Variants in HAS2 observed in about 807,000 individuals in gnomAD.
HAS2 encodes hyaluronan synthase 2.
HAS2 carries 16 observed loss-of-function variants against 51.6 expected under a neutral mutation model. That is an observed-to-expected ratio of 0.31 (90% CI 0.21 to 0.47). The LOEUF is 0.47. Among genes scored for constraint, HAS2 ranks in the 20% least tolerant of loss-of-function variants. The pLI is 1.00. For synonymous variants in HAS2, 228 were observed against 235.5 expected, an observed-to-expected ratio of 0.97 and a Z score of 0.29; for missense variants, 361 against 662.6, an observed-to-expected ratio of 0.54 and a Z score of 5.00.
chr8:121,637,542 C>G (rs1329811080), intron 1 of HAS2, among the ~76,000 whole-genome samples: 3 of 151,980 alleles, frequency 2.0e-5, no homozygotes, highest in African/African-American at 7.3e-5. Context: ...AGGTGGCCAC[C>G]ACCACACCTG....
At chr8:121,622,860 C>T (rs1405312173) in intron 2 of HAS2, among the ~76,000 whole-genome samples, 1 of 151,692 alleles carries the variant, frequency 6.6e-6, no homozygotes, top group Non-Finnish European at 1.5e-5. Flanking sequence ...AGTTAAGCAG[C>T]CTCAAATTAA....
intron 2 of HAS2, 34 bp downstream of exon 2, chr8:121,628,680 G>C (rs1812886766): frequency 1.9e-6 from 3 of 1,593,270 alleles, no homozygotes; most frequent in Middle Eastern, 3.4e-4. Context: ...TTATTTAAAT[G>C]TATGTTTGCC....
Position 121,614,823 on chromosome 8 carries a change from C to A in HAS2, c.945G>T (p.Arg315Ser). 6.2e-7 allele frequency: 1 copy of A among 1,614,160 alleles called. No individual in the cohort carries two copies. The highest frequency in any genetic ancestry group is 8.5e-7 in the Non-Finnish European group (1 of 1,180,028). ...GGCTCAGCACCCGGTTCGTGAGATG[C>A]CTGTCATCACCAAAGCTACATTGGT... ...MGNQCSFGDD[R>S]HLTNRVLSLG... Residue 315 changes from arginine (R) to serine (S), a missense_variant, in exon 4 of 4, where the codon AGG (arginine) becomes AGT (serine). By Grantham distance (110) the Arg-to-Ser change is moderately radical (BLOSUM62 -1). Transcript: ENST00000303924. This position sits in a 1 kb window ranked among gnomAD's most constrained non-coding sequence, Gnocchi z 7.2.
intron 2 of HAS2, among the ~76,000 whole-genome samples, chr8:121,624,772 A>T (rs562644608): frequency 1.3e-5 from 2 of 152,310 alleles, no homozygotes; most frequent in East Asian, 3.9e-4. Flanking sequence ...ACGCATGTTC[A>T]GTAAGAGACA....
intron 1 of HAS2, among the ~76,000 whole-genome samples, chr8:121,638,429 G>A (rs143876863): frequency 4.9e-4 from 74 of 152,240 alleles, no homozygotes; most frequent in Non-Finnish European, 8.8e-4. Context: ...AAAGGGATTC[G>A]ACTCCGGGTA....
intron 1 of HAS2, among the ~76,000 whole-genome samples, chr8:121,630,116 C>T (rs776552589): frequency 2.4e-4 from 36 of 152,262 alleles, no homozygotes; most frequent in Non-Finnish European, 4.4e-4. Flanking sequence ...AGTCTCTCTC[C>T]TCCATCCGCC....
At chr8:121,634,749 C>CTT (rs77932541) in intron 1 of HAS2, among the ~76,000 whole-genome samples, 1 of 143,140 alleles carries the variant, frequency 7.0e-6, no homozygotes, top group African/African-American at 2.5e-5. Context: ...CTCAAACAGT[C>CTT]TTTTTTTTTT....
At chr8:121,622,608 G>T (rs560047501) in intron 2 of HAS2, among the ~76,000 whole-genome samples, 13 of 151,598 alleles carry the variant, frequency 8.6e-5, no homozygotes, top group Non-Finnish European at 1.9e-4. Context: ...CAAGATTTGG[G>T]GGAAACAAAA....
At chr8:121,624,209 G>C (rs1812812162) in intron 2 of HAS2, among the ~76,000 whole-genome samples, 1 of 152,156 alleles carries the variant, frequency 6.6e-6, no homozygotes, top group South Asian at 2.1e-4. Flanking sequence ...CTTGTGCTTA[G>C]ATAGCATTTC....
At chr8:121,639,246 C>G (rs1813054784) in intron 1 of HAS2, 1 of 152,226 alleles carries the variant, frequency 6.6e-6, no homozygotes, top group Admixed American at 6.5e-5. Context: ...GGTGGCCAAT[C>G]GGGGCTTCCC....
At chr8:121,630,220 A>G (rs2130446850) in intron 1 of HAS2, among the ~76,000 whole-genome samples, 1 of 152,326 alleles carries the variant, frequency 6.6e-6, no homozygotes, top group East Asian at 1.9e-4. Context: ...TGAATACATT[A>G]AAGGACAAAT....
intron 2 of HAS2, among the ~76,000 whole-genome samples, chr8:121,617,463 G>A (rs1307916690): frequency 1.3e-5 from 2 of 152,092 alleles, no homozygotes; most frequent in African/African-American, 4.8e-5. Context: ...ATGACTTGTA[G>A]CGTGATCAAC....
rs1325324480 is a variant in HAS2 at position 121,612,485 on chromosome 8, T to A, written c.*1624A>T. On this transcript the variant is annotated 3_prime_UTR_variant, in exon 4 of 4. Coordinates refer to ENST00000303924, the MANE Select transcript of HAS2 (RefSeq NM_005328.3). ...AAGAGGCAGAAAGGCAGGAAGCCCATTTTTTTTTTAACACTTCTCCATGTG... is the reference window on the plus strand; with the variant it reads ...AAGAGGCAGAAAGGCAGGAAGCCCAATTTTTTTTTAACACTTCTCCATGTG... 2 of 143,664 alleles carry A rather than the reference T, an allele frequency of 1.4e-5. No individual in the cohort carries two copies. The allele number at this position is 143,664 out of a possible 1,614,324, so 8.9% of individuals were successfully genotyped here. A position where few individuals can be genotyped will look rare whatever the true frequency, so the allele number is the denominator to read the frequency against.
In HAS2 at chr8:121,629,392, G is replaced by A. The variant is rs768266854; in HGVS notation, c.1-52C>T. ...GGTTAACCATGATTGTCCCACACTT[G>A]TTATATACCTAGTATCATGGGGAGA... On this transcript the variant is annotated intron_variant, in intron 1 of 3. Transcript: ENST00000303924. 4.4e-6 allele frequency: 6 copies of A among 1,377,558 alleles called. No homozygotes were observed. The Admixed American group carries it at 7.4e-5, about 17-fold the overall frequency. The allele number at this position is 1,377,558 out of a possible 1,614,324, so 85.3% of individuals were successfully genotyped here.
chr8:121,629,303 A>G lies in HAS2; in HGVS notation c.38T>C (p.Ile13Thr), dbSNP rs926388723. 6 of 1,611,540 alleles carry G rather than the reference A, an allele frequency of 3.7e-6. No homozygotes were observed. In the East Asian group the frequency reaches 6.7e-5, roughly 18 times the overall value. Reference protein sequence around the residue: ...CERFLCILRIIGTTLFGVSLL... With the variant: ...CERFLCILRITGTTLFGVSLL... ...AGAGACTCCAAAGAGTGTGGTTCCA[A>G]TTATTCTCAGGATACATAGAAACCT... is the stretch of plus-strand genomic sequence containing the variant. Residue 13 changes from isoleucine (I) to threonine (T), a missense_variant, in exon 2 of 4, where the codon ATT (isoleucine) becomes ACT (threonine). Ile to Thr is a moderately conservative substitution (Grantham distance 89). Transcript: ENST00000303924.
chr8:121,613,771 T>G lies in HAS2; in HGVS notation c.*338A>C, dbSNP rs1399441454. ...TAGGTTGAAAGAACTTTTCCTTGAG[T>G]TTCCAAAATCCTTTTCTTCCATGAT... On this transcript the variant is annotated 3_prime_UTR_variant, in exon 4 of 4. Coordinates refer to ENST00000303924, the MANE Select transcript of HAS2 (RefSeq NM_005328.3). 3.8e-6 allele frequency: 1 copy of G among 263,910 alleles called. No homozygotes were observed. Among genetic ancestry groups the G allele is most frequent in the Non-Finnish European group, 7.4e-6 (1 of 135,944 alleles). 16.3% of individuals were successfully genotyped at this position (263,910 alleles called of 1,614,324 possible).
rs1484522992 is a variant in HAS2, at chr8:121,614,624, T to C, written c.1144A>G (p.Ile382Val). ...AGAAAGAAAGGAAAGAATCCAGTGA[T>C]AATCGCTTCGTAGGTCATCCACAAG... is the stretch of plus-strand genomic sequence containing the variant. ...HHLWMTYEAI[I>V]TGFFPFFLIA... The change falls in exon 4 of 4, where the codon ATC (isoleucine) becomes GTC (valine). Residue 382 changes from isoleucine (I) to valine (V), a missense_variant. Transcript: ENST00000303924. The surrounding 1 kb of genome is among the most constrained non-coding windows in gnomAD (Gnocchi z 7.2). 1 of 1,614,124 alleles carries C rather than the reference T, an allele frequency of 6.2e-7. No individual in the cohort carries two copies. The highest frequency in any genetic ancestry group is 1.3e-5 in the African/African-American group (1 of 75,056).
Position 121,629,092 on chromosome 8 carries a change from T to G in HAS2, c.249A>C (p.Lys83Asn). ...KSLETPIKLN[K>N]TVALCIAAYQ... ...AGGCAGCGATGCAAAGGGCAACTGT[T>G]TTGTTCAACTTTATGGGGGTTTCTA... The change falls in exon 2 of 4, where the codon AAA (lysine) becomes AAC (asparagine). Residue 83 changes from lysine (K) to asparagine (N), a missense_variant. This residue lies in a region of HAS2 where 145 missense variants were observed against 217.6 expected (regional missense o/e 0.67). Transcript: ENST00000303924. The G allele has an allele frequency of 6.2e-7, 1 of 1,614,156 alleles. No homozygotes were observed. Among genetic ancestry groups the G allele is most frequent in the Non-Finnish European group, 8.5e-7 (1 of 1,179,984 alleles).
In HAS2 at chr8:121,614,262, C is replaced by A; in HGVS notation, c.1506G>T (p.Arg502Ser). The A allele has an allele frequency of 6.2e-7, 1 of 1,614,010 alleles. No homozygotes were observed. The highest frequency in any genetic ancestry group is 8.5e-7 in the Non-Finnish European group (1 of 1,179,916). The change falls in exon 4 of 4, where the codon AGG (arginine) becomes AGT (serine). Residue 502 changes from arginine to serine, a missense_variant. Coordinates refer to ENST00000303924, the MANE Select transcript of HAS2 (RefSeq NM_005328.3). This position sits in a 1 kb window ranked among gnomAD's most constrained non-coding sequence, Gnocchi z 7.2. ...CTGTCTGTTTGGATTCTGAAAATGG[C>A]CTTTTAGACTCCTTATAAATGGTGA... ...VIFTIYKESK[R>S]PFSESKQTVL...
Sources: gnomAD v4.1 joint callset for allele counts (sites outside exome capture counted in the v4.1 genomes callset) on GRCh38, gnomAD v4.1.1 for gene constraint, gnomAD v4.1.1 regional missense constraint, Gnocchi (gnomAD v3.1) non-coding constraint, MANE v1.5 for transcripts, NCBI Gene and HGNC (gene_info 2026-07-23, HGNC 2026-07-21) for gene names.